The following GLG1 variants were observed in gnomAD, a reference collection of about 807,000 sequenced individuals.
GLG1 encodes golgi glycoprotein 1, also known as Golgi apparatus protein 1.
In GLG1, 38 loss-of-function variants were observed where a neutral mutation model predicts 160.5. The ratio of observed to expected loss-of-function variants is 0.24; its 90% CI spans 0.18 to 0.31. The LOEUF (loss-of-function observed/expected upper bound fraction) is 0.31. GLG1 is among the 10% of genes least tolerant of loss of function. The pLI is 1.00. For synonymous variants in GLG1, 644 were observed against 543.4 expected, an observed-to-expected ratio of 1.19 and a Z score of -2.57; for missense variants, 1,373 against 1,505.2, an observed-to-expected ratio of 0.91 and a Z score of 1.45.
intron 4 of GLG1, among the ~76,000 whole-genome samples, chr16:74,500,078 AT>A (rs954596552): frequency 2.6e-5 from 4 of 152,086 alleles, no homozygotes; most frequent in African/African-American, 7.2e-5. Flanking sequence ...TCAGATAAAT[AT>A]TTTTTTCAAA....
chr16:74,583,401 G>A (rs748039160), intron 1 of GLG1, among the ~76,000 whole-genome samples: 27 of 152,024 alleles, frequency 1.8e-4, no homozygotes, highest in Admixed American at 5.9e-4. Flanking sequence ...GGGGTTGGGC[G>A]CAGAGTTTCG....
intron 1 of GLG1, among the ~76,000 whole-genome samples, chr16:74,603,040 A>C (rs574808012): frequency 3.9e-4 from 60 of 152,078 alleles, no homozygotes; most frequent in Middle Eastern, 3.4e-3. Flanking sequence ...CAGTGAGCCA[A>C]GATTGTGCCA....
chr16:74,521,501 T>A (rs1466016153), intron 2 of GLG1, among the ~76,000 whole-genome samples: 1 of 151,910 alleles, frequency 6.6e-6, no homozygotes, highest in African/African-American at 2.4e-5. Context: ...ACTAATGGAT[T>A]GAATGTGAAG....
intron 1 of GLG1, among the ~76,000 whole-genome samples, chr16:74,577,165 A>G (rs903730411): frequency 6.6e-6 from 1 of 152,164 alleles, no homozygotes; most frequent in East Asian, 1.9e-4. Context: ...GGCTCAAGAG[A>G]TCCTCCCACC....
intron 2 of GLG1, among the ~76,000 whole-genome samples, chr16:74,521,357 A>G (rs532151510): frequency 1.3e-5 from 2 of 152,194 alleles, no homozygotes; most frequent in African/African-American, 2.4e-5. Context: ...GCTGTAGGAT[A>G]GACTAAGCAG....
chr16:74,556,941 G>C (rs943850118), intron 1 of GLG1, among the ~76,000 whole-genome samples: 10 of 151,852 alleles, frequency 6.6e-5, no homozygotes, highest in Non-Finnish European at 1.0e-4. Flanking sequence ...TTATTTAAAT[G>C]CATTCTCATA....
chr16:74,584,459 A>G (rs1424189430), intron 1 of GLG1, among the ~76,000 whole-genome samples: 1 of 125,494 alleles, frequency 8.0e-6, no homozygotes, highest in African/African-American at 3.0e-5. Flanking sequence ...AGCATGATTA[A>G]TATTATTTAT....
intron 1 of GLG1, among the ~76,000 whole-genome samples, chr16:74,586,660 G>A (rs1189162324): frequency 6.6e-6 from 1 of 151,750 alleles, no homozygotes; most frequent in East Asian, 1.9e-4. Flanking sequence ...TTTTAATAAA[G>A]TCAGAACTTT....
chr16:74,531,262 G>A (rs1479344622), intron 2 of GLG1, among the ~76,000 whole-genome samples: 1 of 152,098 alleles, frequency 6.6e-6, no homozygotes, highest in Non-Finnish European at 1.5e-5. Context: ...ATGTGATAGA[G>A]TGACTTTTGC....
At chr16:74,604,302 T>C (rs1958513201) in intron 1 of GLG1, among the ~76,000 whole-genome samples, 1 of 152,230 alleles carries the variant, frequency 6.6e-6, no homozygotes, top group African/African-American at 2.4e-5. Context: ...AACTGATATG[T>C]AGGCACTGTA....
At chr16:74,527,782 C>T (rs1433860132) in intron 2 of GLG1, among the ~76,000 whole-genome samples, 3 of 151,638 alleles carry the variant, frequency 2.0e-5, no homozygotes, top group East Asian at 1.9e-4. Flanking sequence ...GGGTGAGTGC[C>T]GTGGCGGGAT....
chr16:74,474,500 T>C, intron 13 of GLG1, 46 bp downstream of exon 13: 2 of 896,236 alleles, frequency 2.2e-6, no homozygotes, highest in Non-Finnish European at 3.8e-6. Context: ...AAGGCCAGGA[T>C]GCTGGCAGCC....
chr16:74,529,901 T>C (rs1372002818), intron 2 of GLG1, among the ~76,000 whole-genome samples: 1 of 141,960 alleles, frequency 7.0e-6, no homozygotes, highest in African/African-American at 2.6e-5. Context: ...AACTTCTATC[T>C]CCCCGGTTCA....
intron 1 of GLG1, among the ~76,000 whole-genome samples, chr16:74,565,971 C>G (rs1368242128): frequency 1.3e-5 from 2 of 152,186 alleles, no homozygotes; most frequent in Non-Finnish European, 2.9e-5. Context: ...ATGATCTTGA[C>G]TGTTTTGAGG....
At chr16:74,584,609 T>G (rs138640535) in intron 1 of GLG1, among the ~76,000 whole-genome samples, 1 of 151,580 alleles carries the variant, frequency 6.6e-6, no homozygotes, top group Non-Finnish European at 1.5e-5. Flanking sequence ...TGGGAAGCGG[T>G]TGAGGAATAA....
chr16:74,592,648 C>T (rs946424277), intron 1 of GLG1, among the ~76,000 whole-genome samples: 2 of 152,016 alleles, frequency 1.3e-5, no homozygotes, highest in African/African-American at 4.8e-5. Flanking sequence ...TTAATTTGCC[C>T]AACATCATAA....
At chr16:74,479,051 CAAAAAAAAAAAAAAAA>C (rs34125450) in intron 11 of GLG1, among the ~76,000 whole-genome samples, 1 of 17,572 alleles carries the variant, frequency 5.7e-5, no homozygotes, top group African/African-American at 3.1e-4. Context: ...ATTAAAAATC[CAAAAAAAAAAAAAAAA>C]AAAAAAAAAA....
intron 1 of GLG1, among the ~76,000 whole-genome samples, chr16:74,561,852 G>A (rs1034973852): frequency 1.3e-5 from 2 of 152,178 alleles, no homozygotes; most frequent in Admixed American, 1.3e-4. Context: ...GACTCATCAT[G>A]GAAGACAGAA....
intron 1 of GLG1, among the ~76,000 whole-genome samples, chr16:74,600,237 G>T (rs894591872): frequency 6.6e-6 from 1 of 151,950 alleles, no homozygotes; most frequent in East Asian, 1.9e-4. Context: ...GTATATTTCC[G>T]CTTAGAACAA....
Sources: allele counts gnomAD v4.1 joint callset (sites outside exome capture counted in the v4.1 genomes callset), GRCh38; gene constraint gnomAD v4.1.1; transcripts MANE v1.5; gene names NCBI Gene and HGNC (gene_info 2026-07-23, HGNC 2026-07-21).